Variants in DLG2 observed in about 807,000 individuals in gnomAD.
The protein encoded by DLG2 is disks large homolog 2.
In DLG2, 45 loss-of-function variants were observed where a neutral mutation model predicts 132.5. The observed-to-expected ratio is 0.34, with a 90% confidence interval of 0.27 to 0.44. The LOEUF (loss-of-function observed/expected upper bound fraction) is 0.44, where lower values mean the gene tolerates loss of function less well. Ranked by LOEUF, DLG2 falls within the 20% of genes least tolerant of loss-of-function variation. The pLI, the probability that DLG2 is intolerant of heterozygous loss-of-function variation, is 1.00. For synonymous variants in DLG2, 424 were observed against 419.6 expected, an observed-to-expected ratio of 1.01 and a Z score of -0.13; for missense variants, 1,045 against 1,196.9, an observed-to-expected ratio of 0.87 and a Z score of 1.87.
intron 6 of DLG2, among the ~76,000 whole-genome samples, chr11:85,056,250 C>G (rs2063446911): frequency 6.6e-6 from 1 of 151,958 alleles, no homozygotes. Context: ...TAGATGTTAT[C>G]CTTCACTAAA....
At chr11:84,290,508 T>A (rs1355256495) in intron 7 of DLG2, among the ~76,000 whole-genome samples, 1 of 152,004 alleles carries the variant, frequency 6.6e-6, no homozygotes, top group Non-Finnish European at 1.5e-5. Flanking sequence ...GTGAAAACAT[T>A]TTTGGAAACA....
At position 83,650,107 on chromosome 11, in the gene DLG2, A is replaced by G. The variant is rs149815044; in HGVS notation, c.1826-16782T>C. Among the ~76,000 whole-genome samples the G allele has an allele frequency of 3.2e-3, 489 of 152,350 alleles. 2 individuals carry two copies. Among genetic ancestry groups the G allele is most frequent in the Admixed American group, 0.012 (180 of 15,302 alleles). ...AAAAATGCACCCATAAGTAGTGCCAATGCAAGAAGTTTTGACTGTAATGCC... is the reference window on the plus strand; with the variant it reads ...AAAAATGCACCCATAAGTAGTGCCAGTGCAAGAAGTTTTGACTGTAATGCC... On this transcript the variant is annotated intron_variant, in intron 18 of 27. Coordinates refer to ENST00000376104, the MANE Select transcript of DLG2 (RefSeq NM_001142699.3).
At chr11:84,109,581 C>G (rs1254361635) in intron 9 of DLG2, among the ~76,000 whole-genome samples, 1 of 152,190 alleles carries the variant, frequency 6.6e-6, no homozygotes, top group East Asian at 1.9e-4. Context: ...TAAGTAACAT[C>G]AGTCTTCTGT....
intron 6 of DLG2, among the ~76,000 whole-genome samples, chr11:85,107,733 C>T (rs953163459): frequency 6.6e-6 from 1 of 151,844 alleles, no homozygotes; most frequent in African/African-American, 2.4e-5. Flanking sequence ...GTAAGGAAGG[C>T]TATCATTCTA....
intron 18 of DLG2, among the ~76,000 whole-genome samples, chr11:83,752,675 T>A (rs2093379215): frequency 6.6e-6 from 1 of 152,196 alleles, no homozygotes; most frequent in South Asian, 2.1e-4. Flanking sequence ...GATTGTTTAA[T>A]TGTTTTAAGA....
intron 6 of DLG2, among the ~76,000 whole-genome samples, chr11:84,730,243 G>A (rs7120889): frequency 0.35 from 53,830 of 151,852 alleles, 10,053 homozygotes; most frequent in African/African-American, 0.48. Flanking sequence ...TAATCTGAAA[G>A]TTAATTTTCT....
chr11:84,610,680 T>C (rs1307807525), intron 6 of DLG2, among the ~76,000 whole-genome samples: 3 of 152,112 alleles, frequency 2.0e-5, no homozygotes, highest in Non-Finnish European at 4.4e-5. Context: ...TCCTCACTTT[T>C]CCTTCCCTGG....
chr11:84,336,128 C>G (rs1052952973), intron 7 of DLG2, among the ~76,000 whole-genome samples: 4 of 152,000 alleles, frequency 2.6e-5, no homozygotes, highest in Admixed American at 6.6e-5. Flanking sequence ...TTTGGGGGGG[C>G]CCATGCTTTG....
intron 21 of DLG2, among the ~76,000 whole-genome samples, chr11:83,501,172 T>C (rs1367874050): frequency 2.0e-5 from 3 of 151,828 alleles, no homozygotes; most frequent in Non-Finnish European, 4.4e-5. Context: ...TGCTAATTTC[T>C]TGATTTCTAT....
At chr11:85,421,042 AG>A (rs1021580356) in intron 3 of DLG2, among the ~76,000 whole-genome samples, 4 of 152,232 alleles carry the variant, frequency 2.6e-5, no homozygotes, top group African/African-American at 9.6e-5. Flanking sequence ...CCACTAGCTC[AG>A]TGTCCAAACA....
At chr11:85,475,431 G>T (rs2093111572) in intron 3 of DLG2, among the ~76,000 whole-genome samples, 1 of 151,990 alleles carries the variant, frequency 6.6e-6, no homozygotes, top group East Asian at 1.9e-4. Context: ...AACATTATAT[G>T]CCAATTTTAT....
chr11:84,536,019 A>G (rs2099354752), intron 6 of DLG2, among the ~76,000 whole-genome samples: 1 of 151,526 alleles, frequency 6.6e-6, no homozygotes. Flanking sequence ...AGTAACAAGA[A>G]CCACTCCAGG....
At chr11:85,276,572 T>C (rs138180487) in intron 4 of DLG2, among the ~76,000 whole-genome samples, 330 of 152,242 alleles carry the variant, frequency 2.2e-3, no homozygotes, top group Non-Finnish European at 3.8e-3. Flanking sequence ...TGCCATAAAA[T>C]AAGTAATTTG....
intron 6 of DLG2, among the ~76,000 whole-genome samples, chr11:84,851,533 G>A (rs988156164): frequency 6.6e-6 from 1 of 151,994 alleles, no homozygotes; most frequent in Non-Finnish European, 1.5e-5. Context: ...CCTGAAGAAA[G>A]ATGATTATCA....
At chr11:84,641,406 C>G (rs1157309534) in intron 6 of DLG2, among the ~76,000 whole-genome samples, 1 of 152,188 alleles carries the variant, frequency 6.6e-6, no homozygotes, top group Non-Finnish European at 1.5e-5. Context: ...TCAGAGATGT[C>G]CTTCTCAGTT....
intron 6 of DLG2, among the ~76,000 whole-genome samples, chr11:85,036,674 G>A (rs959173757): frequency 6.6e-6 from 1 of 152,088 alleles, no homozygotes; most frequent in Non-Finnish European, 1.5e-5. Flanking sequence ...TATTCAAAGA[G>A]TATGTTATGC....
At chr11:83,520,969 G>A (rs761547518) in intron 21 of DLG2, among the ~76,000 whole-genome samples, 12 of 152,094 alleles carry the variant, frequency 7.9e-5, no homozygotes, top group Non-Finnish European at 1.5e-4. Flanking sequence ...ATCATGTATC[G>A]AGACTGCCAA....
intron 7 of DLG2, among the ~76,000 whole-genome samples, chr11:84,512,629 T>G (rs2099260113): frequency 6.6e-6 from 1 of 150,412 alleles, no homozygotes; most frequent in South Asian, 2.1e-4. Context: ...AAAGAGAAAA[T>G]ACACAAATAA....
At chr11:84,615,361 C>A (rs886625319) in intron 6 of DLG2, among the ~76,000 whole-genome samples, 1 of 152,074 alleles carries the variant, frequency 6.6e-6, no homozygotes, top group Admixed American at 6.6e-5. Flanking sequence ...CCAGAACCAT[C>A]TAACACTAAC....
Sources: allele counts gnomAD v4.1 joint callset (sites outside exome capture counted in the v4.1 genomes callset), GRCh38; gene constraint gnomAD v4.1.1; transcripts MANE v1.5; gene names NCBI Gene and HGNC (gene_info 2026-07-23, HGNC 2026-07-21).